Variants in NME2 observed in about 807,000 individuals in gnomAD.
The protein encoded by NME2 is NME/NM23 nucleoside diphosphate kinase 2.
NME2 carries 18 observed loss-of-function variants against 17.8 expected under a neutral mutation model. That is an observed-to-expected ratio of 1.01 (90% CI 0.70 to 1.50). NME2 has a LOEUF of 1.50. Among genes scored for constraint, NME2 ranks in the 40% most tolerant of loss-of-function variants. NME2 has a pLI of 0.00. For missense variants in NME2, 161 were observed against 195.6 expected (o/e 0.82, Z 1.05); for synonymous variants, 74 against 71.4 (o/e 1.04, Z -0.19).
At position 51,171,544 on chromosome 17, in the gene NME2, G is replaced by T. The variant is rs1319543654; in HGVS notation, c.399G>T (p.Trp133Cys). ...VKSAEKEISL[W>C]FKPEELVDYK... ...GTGCTGAAAAAGAAATCAGCCTATG[G>T]TTTAAGCCTGAAGAACTGGTTGACT... Residue 133 changes from tryptophan (W) to cysteine (C), a missense_variant, in exon 5 of 5, where the codon TGG becomes TGT. Transcript: ENST00000512737. 1 of 1,613,864 alleles carries T rather than the reference G, an allele frequency of 6.2e-7. No individual in the cohort carries two copies. The highest frequency in any genetic ancestry group is 1.1e-5 in the South Asian group (1 of 91,076).
chr17:51,168,780 C>T lies in NME2; in HGVS notation c.228+437C>T, dbSNP rs182051897. On this transcript the variant is annotated intron_variant, in intron 3 of 4. Transcript: ENST00000512737. The stretch of plus-strand genomic sequence containing the variant: ...AATTTTCGGGCCAGGCTTGGTGGCT[C>T]ATGCCTGTAATCCCAGCGCTTTGGA... Among the ~76,000 whole-genome samples, 789 of 152,152 alleles carry T rather than the reference C, an allele frequency of 5.2e-3. 5 individuals carry two copies. The highest frequency in any genetic ancestry group is 0.017 in the South Asian group (80 of 4,814).
Position 51,169,980 on chromosome 17 carries a change from T to C in NME2, c.272T>C (p.Leu91Pro), listed in dbSNP as rs780883217. Residue 91 changes from leucine (L) to proline (P), a missense_variant, in exon 4 of 5, where the codon CTT (leucine) becomes CCT (proline). Transcript: ENST00000512737. Reference protein sequence around the residue: ...LNVVKTGRVMLGETNPADSKP... With the variant: ...LNVVKTGRVMPGETNPADSKP... Reference sequence around the variant, plus strand: ...GTGGTGAAGACAGGCCGAGTGATGCTTGGGGAGACCAATCCAGCAGATTCA... The same window carrying C: ...GTGGTGAAGACAGGCCGAGTGATGCCTGGGGAGACCAATCCAGCAGATTCA... The C allele has an allele frequency of 7.4e-6, 12 of 1,613,390 alleles. No individual in the cohort carries two copies. The African/African-American group carries it at 9.4e-5, about 13-fold the overall frequency.
At position 51,166,943 on chromosome 17, in the gene NME2, T is replaced by C. The variant is rs770373700; in HGVS notation, c.113T>C (p.Met38Thr). Residue 38 changes from methionine (M) to threonine (T), a missense_variant, in exon 2 of 5, where the codon ATG becomes ACG. By Grantham distance (81) the Met-to-Thr change is moderately conservative (BLOSUM62 -1). Coordinates refer to ENST00000512737, the MANE Select transcript of NME2 (RefSeq NM_002512.4). ...FEQKGFRLVA[M>T]KFLRASEEHL... is the part of the protein sequence containing the mutation. ...CAGAAGGGATTCCGCCTCGTGGCCA[T>C]GAAGTTCCTCCGGGTAACTCGCCCC... is the stretch of plus-strand genomic sequence containing the variant. The C allele has an allele frequency of 2.5e-6, 4 of 1,613,590 alleles. No homozygotes were observed. The highest frequency in any genetic ancestry group is 3.4e-6 in the Non-Finnish European group (4 of 1,179,826).
At chr17:51,168,863 T>C (rs1452753420) in intron 3 of NME2, among the ~76,000 whole-genome samples, 1 of 150,514 alleles carries the variant, frequency 6.6e-6, no homozygotes, top group East Asian at 2.0e-4. Flanking sequence ...CTCAGGGGGC[T>C]GAAGCACGAG....
chr17:51,171,558 A>G lies in NME2; in HGVS notation c.413A>G (p.Glu138Gly). 1 of 1,613,902 alleles carries G rather than the reference A, an allele frequency of 6.2e-7. No homozygotes were observed. The highest frequency in any genetic ancestry group is 1.1e-5 in the South Asian group (1 of 91,070). ...ATCAGCCTATGGTTTAAGCCTGAAG[A>G]ACTGGTTGACTACAAGTCTTGTGCT... ...KEISLWFKPE[E>G]LVDYKSCAHD... Residue 138 changes from glutamate to glycine, a missense_variant, in exon 5 of 5, where the codon GAA becomes GGA. Transcript: ENST00000512737.
chr17:51,166,888 C>G lies in NME2; in HGVS notation c.58C>G (p.Leu20Val). The G allele has an allele frequency of 6.2e-7, 1 of 1,613,828 alleles. No individual in the cohort carries two copies. The highest frequency in any genetic ancestry group is 8.5e-7 in the Non-Finnish European group (1 of 1,179,856). ...AIKPDGVQRG[L>V]VGEIIKRFEQ... ...CAAGCCGGACGGCGTGCAGCGCGGC[C>G]TGGTGGGCGAGATCATCAAGCGCTT... The change falls in exon 2 of 5, where the codon CTG (leucine) becomes GTG (valine). Residue 20 changes from leucine (L) to valine (V), a missense_variant. Transcript: ENST00000512737.
intron 3 of NME2, among the ~76,000 whole-genome samples, chr17:51,168,608 T>C (rs1333876394): frequency 6.6e-6 from 1 of 151,880 alleles, no homozygotes; most frequent in Admixed American, 6.6e-5. Flanking sequence ...GAGGCGGAGG[T>C]TGCAGTGAGC....
In NME2 at chr17:51,166,810, C is replaced by A; in HGVS notation, c.-4-17C>A. ...AGAGCCTGCGCCCGGGCCCTGACCG[C>A]ACCTCTCGCCCCGCAGGACCATGGC... On this transcript the variant is annotated splice_polypyrimidine_tract_variant and intron_variant, in intron 1 of 4. Transcript: ENST00000512737. 1 of 1,603,370 alleles carries A rather than the reference C, an allele frequency of 6.2e-7. No homozygotes were observed. Among genetic ancestry groups the A allele is most frequent in the East Asian group, 2.3e-5 (1 of 44,128 alleles).
Position 51,168,177 on chromosome 17 carries a change from G to T in NME2, c.127-65G>T, listed in dbSNP as rs1226744711. 4 of 1,547,128 alleles carry T rather than the reference G, an allele frequency of 2.6e-6. No individual in the cohort carries two copies. The African/African-American group carries it at 4.1e-5, about 16-fold the overall frequency. ...ATAAAACCGGACTTGCTAATGGGAGGTTCAGAGGATGGGTTGGAGTCTTTC... is the reference window on the plus strand; with the variant it reads ...ATAAAACCGGACTTGCTAATGGGAGTTTCAGAGGATGGGTTGGAGTCTTTC... On this transcript the variant is annotated intron_variant, in intron 2 of 4. Coordinates refer to ENST00000512737, the MANE Select transcript of NME2 (RefSeq NM_002512.4).
intron 1 of NME2, 112 bp downstream of exon 1, chr17:51,166,609 G>A (rs889676036): frequency 1.2e-5 from 4 of 326,676 alleles, no homozygotes; most frequent in Non-Finnish European, 1.6e-5. Flanking sequence ...CAGGTCCCGC[G>A]CGGCGTCGGA....
At chr17:51,168,103 G>A (rs1568126496) in intron 2 of NME2, 139 bp from the exon 3 acceptor site, 64 of 585,118 alleles carry the variant, frequency 1.1e-4, no homozygotes, top group South Asian at 1.6e-4. Context: ...GTATATGTGT[G>A]TATATATATA....
intron 3 of NME2, among the ~76,000 whole-genome samples, 174 bp downstream of exon 3, chr17:51,168,517 G>T (rs1054639225): frequency 2.6e-5 from 4 of 152,164 alleles, no homozygotes; most frequent in Non-Finnish European, 5.9e-5. Context: ...GAAATGGGAA[G>T]GATGTTAGCT....
Sources: allele counts gnomAD v4.1 joint callset (sites outside exome capture counted in the v4.1 genomes callset), GRCh38; gene constraint gnomAD v4.1.1; transcripts MANE v1.5; gene names NCBI Gene and HGNC (gene_info 2026-07-23, HGNC 2026-07-21).